CLINT1: variants seen among roughly 807,000 people sequenced by gnomAD.
The protein encoded by CLINT1 is clathrin interactor 1, also known as clathrin interacting protein localized in the trans-Golgi region.
CLINT1 carries 15 observed loss-of-function variants against 70.4 expected under a neutral mutation model. The ratio of observed to expected loss-of-function variants is 0.21; its 90% CI spans 0.14 to 0.33. The LOEUF (loss-of-function observed/expected upper bound fraction) is 0.33. Among genes scored for constraint, CLINT1 ranks in the 10% least tolerant of loss-of-function variants. The pLI is 1.00. For synonymous variants in CLINT1, 227 were observed against 254.7 expected, an observed-to-expected ratio of 0.89 and a Z score of 1.04; for missense variants, 615 against 778.1, an observed-to-expected ratio of 0.79 and a Z score of 2.49.
At chr5:157,801,271 C>T (rs11949416) in intron 8 of CLINT1, among the ~76,000 whole-genome samples, 4,473 of 152,098 alleles carry the variant, frequency 0.029, 205 homozygotes, top group African/African-American at 0.1. Flanking sequence ...CTTTGGGAGG[C>T]CAAAACAGGT....
rs1227626627 is a variant in CLINT1 at position 157,809,820 on chromosome 5, A to G, written c.518-15T>C. ...ATATCTTTCACCTAGATAGAGCATT[A>G]AAAAAAGAAGCAATTCTAACGACAT... On this transcript the variant is annotated splice_polypyrimidine_tract_variant and intron_variant, in intron 5 of 11. Transcript: ENST00000411809. 1.9e-6 allele frequency: 3 copies of G among 1,602,190 alleles called. No homozygotes were observed. The highest frequency in any genetic ancestry group is 1.7e-5 in the Admixed American group (1 of 57,392).
intron 8 of CLINT1, among the ~76,000 whole-genome samples, chr5:157,801,035 AACT>A (rs1197537511): frequency 1.3e-5 from 2 of 152,250 alleles, no homozygotes; most frequent in Non-Finnish European, 2.9e-5. Flanking sequence ...ACTACATGCT[AACT>A]ACCAGTTAAT....
rs573936184 is a variant in CLINT1 at position 157,789,360 on chromosome 5, T to C, written c.1531+3A>G. 1.9e-6 allele frequency: 3 copies of C among 1,613,738 alleles called. No individual in the cohort carries two copies. The East Asian group carries it at 6.7e-5, about 36-fold the overall frequency. Reference sequence around the variant, plus strand: ...AGAAGTGGGACGTCTTAAGGTAACTTACTCTGTTGCTGAATCATTGTATTC... The same window carrying C: ...AGAAGTGGGACGTCTTAAGGTAACTCACTCTGTTGCTGAATCATTGTATTC... On this transcript the variant is annotated splice_donor_region_variant and intron_variant, in intron 11 of 11. Transcript: ENST00000411809.
At chr5:157,857,545 C>G (rs1753798715) in intron 1 of CLINT1, among the ~76,000 whole-genome samples, 1 of 152,250 alleles carries the variant, frequency 6.6e-6, no homozygotes, top group East Asian at 1.9e-4. Flanking sequence ...TTGCTAGTTT[C>G]AAAAGTACAC....
intron 9 of CLINT1, among the ~76,000 whole-genome samples, chr5:157,792,582 T>C (rs1374322565): frequency 1.3e-5 from 2 of 152,074 alleles, no homozygotes; most frequent in East Asian, 3.9e-4. Context: ...TATTTGGCCA[T>C]ACTTCCACTG....
chr5:157,803,671 C>A lies in CLINT1; in HGVS notation c.991G>T (p.Asp331Tyr). Residue 331 changes from aspartate to tyrosine, a missense_variant, in exon 8 of 12, where the codon GAT (aspartate) becomes TAT (tyrosine). Asp to Tyr is a radical substitution (Grantham distance 160, BLOSUM62 -3). This residue lies in a region of CLINT1 where 374 missense variants were observed against 409.6 expected (regional missense o/e 0.91). Coordinates refer to ENST00000411809, the MANE Select transcript of CLINT1 (RefSeq NM_014666.4). Reference protein sequence around the residue: ...KSSGDLVDLFDGTSQSTGGSA... With the variant: ...KSSGDLVDLFYGTSQSTGGSA... ...TTACCTGTTGACTGGCTGGTGCCAT[C>A]AAACAGATCAACAAGGTCACCAGAT... is the stretch of plus-strand genomic sequence containing the variant. 6.5e-7 allele frequency: 1 copy of A among 1,536,588 alleles called. No individual in the cohort carries two copies.
chr5:157,795,022 A>G (rs1487875327), intron 8 of CLINT1, 50 bp from the exon 9 acceptor site: 4 of 1,470,184 alleles, frequency 2.7e-6, no homozygotes, highest in Non-Finnish European at 3.7e-6. Context: ...AAAAATTGTA[A>G]ATAATTTCTG....
chr5:157,798,433 A>G (rs1436297899), intron 8 of CLINT1, among the ~76,000 whole-genome samples: 1 of 152,220 alleles, frequency 6.6e-6, no homozygotes, highest in East Asian at 1.9e-4. Flanking sequence ...TCCCAAAGCA[A>G]TATTGTGAAC....
At chr5:157,845,226 G>T (rs1283837755) in intron 1 of CLINT1, among the ~76,000 whole-genome samples, 5 of 152,202 alleles carry the variant, frequency 3.3e-5, no homozygotes, top group African/African-American at 1.2e-4. Context: ...GCACACGCTT[G>T]TAATCCCAGC....
intron 9 of CLINT1, among the ~76,000 whole-genome samples, chr5:157,793,216 T>C (rs1392067456): frequency 1.9e-5 from 2 of 105,462 alleles, no homozygotes; most frequent in African/African-American, 9.0e-5. Context: ...TCTTTGATCT[T>C]TTTTTTTTTT....
intron 3 of CLINT1, among the ~76,000 whole-genome samples, chr5:157,816,013 G>A (rs922635367): frequency 6.6e-6 from 1 of 152,008 alleles, no homozygotes; most frequent in Non-Finnish European, 1.5e-5. Flanking sequence ...AAAACTAAAA[G>A]CAAATTTAAT....
At chr5:157,839,636 C>T (rs1763554094) in intron 1 of CLINT1, among the ~76,000 whole-genome samples, 1 of 146,848 alleles carries the variant, frequency 6.8e-6, no homozygotes, top group South Asian at 2.2e-4. Flanking sequence ...CAAAAAAAAA[C>T]AGAACTTTGT....
At chr5:157,841,079 T>C (rs979775628) in intron 1 of CLINT1, among the ~76,000 whole-genome samples, 1 of 151,962 alleles carries the variant, frequency 6.6e-6, no homozygotes, top group East Asian at 1.9e-4. Flanking sequence ...CTGGGCAGCA[T>C]GGCAAAACCA....
At chr5:157,805,458 T>C (rs767340144) in intron 7 of CLINT1, among the ~76,000 whole-genome samples, 18 of 152,244 alleles carry the variant, frequency 1.2e-4, no homozygotes, top group Non-Finnish European at 2.6e-4. Context: ...GCAACGTTTC[T>C]ACATTACATG....
chr5:157,814,288 C>T lies in CLINT1; in HGVS notation c.249G>A (p.Leu83=). The stretch of plus-strand genomic sequence containing the variant: ...TCCTTATGAGGTAAGCTAGGAGCAG[C>T]AACGACTGCAAAAATACAAAGCAAT... ...KKNWRRVYKS[L]LLLAYLIRNG... Residue 83 remains leucine (L), a synonymous_variant, in exon 4 of 12, where the codon TTG becomes TTA. Transcript: ENST00000411809. 4.4e-6 allele frequency: 7 copies of T among 1,600,764 alleles called. No individual in the cohort carries two copies. The highest frequency in any genetic ancestry group is 6.0e-6 in the Non-Finnish European group (7 of 1,171,102).
At chr5:157,826,331 T>C (rs1025486) in intron 1 of CLINT1, among the ~76,000 whole-genome samples, 1 of 152,188 alleles carries the variant, frequency 6.6e-6, no homozygotes, top group Admixed American at 6.5e-5. Context: ...AACTTTTGCA[T>C]AGCAGAACAC....
intron 8 of CLINT1, among the ~76,000 whole-genome samples, chr5:157,802,308 T>C (rs1188531208): frequency 2.0e-5 from 3 of 152,170 alleles, no homozygotes; most frequent in African/African-American, 4.8e-5. Context: ...AACTTAGGCT[T>C]GGAAAGACTG....
At chr5:157,797,039 G>C (rs1033486222) in intron 8 of CLINT1, among the ~76,000 whole-genome samples, 1 of 152,026 alleles carries the variant, frequency 6.6e-6, no homozygotes, top group African/African-American at 2.4e-5. Context: ...CTTCCTTAAA[G>C]GTACATACAT....
intron 5 of CLINT1, among the ~76,000 whole-genome samples, chr5:157,810,200 GT>G (rs1270536756): frequency 6.6e-6 from 1 of 152,092 alleles, no homozygotes; most frequent in Non-Finnish European, 1.5e-5. Flanking sequence ...TCCCTTAATG[GT>G]TTCCCAATTT....
Sources: gnomAD v4.1 joint callset for allele counts (sites outside exome capture counted in the v4.1 genomes callset) on GRCh38, gnomAD v4.1.1 for gene constraint, gnomAD v4.1.1 regional missense constraint, MANE v1.5 for transcripts, NCBI Gene and HGNC (gene_info 2026-07-23, HGNC 2026-07-21) for gene names.